SLC25A40: variants seen among roughly 807,000 people sequenced by gnomAD.
SLC25A40 encodes mitochondrial glutathione transporter SLC25A40.
In SLC25A40, 41 loss-of-function variants were observed where a neutral mutation model predicts 46.5. The ratio of observed to expected loss-of-function variants is 0.88; its 90% confidence interval spans 0.69 to 1.14. SLC25A40 has a LOEUF of 1.14. Ranked by LOEUF, SLC25A40 falls within the 50% of genes most tolerant of loss-of-function variation. The probability of loss-of-function intolerance (pLI) is 0.00; values close to 1 mark genes in which losing one functional copy is unlikely to be tolerated. For synonymous variants in SLC25A40, 126 were observed against 127.5 expected, an observed-to-expected ratio of 0.99 and a Z score of 0.08; for missense variants, 386 against 393.6, an observed-to-expected ratio of 0.98 and a Z score of 0.16.
intron 4 of SLC25A40, 95 bp downstream of exon 4, chr7:87,856,197 T>G: frequency 1.8e-6 from 2 of 1,128,936 alleles, no homozygotes; most frequent in South Asian, 1.5e-5. Context: ...GGCATCAATT[T>G]TAATAAATTA....
At chr7:87,850,689 G>C (rs1838494225) in intron 5 of SLC25A40, among the ~76,000 whole-genome samples, 1 of 151,760 alleles carries the variant, frequency 6.6e-6, no homozygotes, top group Non-Finnish European at 1.5e-5. Flanking sequence ...GACTGCTTCA[G>C]CCCAGCAGGG....
chr7:87,843,636 CA>C, intron 9 of SLC25A40, 117 bp downstream of exon 9: 1 of 634,304 alleles, frequency 1.6e-6, no homozygotes, highest in Middle Eastern at 3.4e-4. Flanking sequence ...AATACTTAGA[CA>C]AATTTTCAAG....
intron 5 of SLC25A40, among the ~76,000 whole-genome samples, chr7:87,851,738 C>T (rs1838514451): frequency 6.6e-6 from 1 of 152,140 alleles, no homozygotes; most frequent in Non-Finnish European, 1.5e-5. Flanking sequence ...GGGTGGGGAA[C>T]CTGGACTTCT....
At chr7:87,863,380 TC>T (rs1024900062) in intron 1 of SLC25A40, among the ~76,000 whole-genome samples, 7 of 151,954 alleles carry the variant, frequency 4.6e-5, no homozygotes, top group African/African-American at 1.7e-4. Context: ...TAAGGGGCTT[TC>T]CCCCCTTTTG....
chr7:87,842,667 G>A (rs1838353535), intron 9 of SLC25A40, among the ~76,000 whole-genome samples: 1 of 151,972 alleles, frequency 6.6e-6, no homozygotes. Flanking sequence ...AAATGAGGTG[G>A]TTTAGGCTGT....
rs1403951544 is a variant in SLC25A40 at position 87,854,275 on chromosome 7, G to A, written c.193C>T (p.His65Tyr). Residue 65 changes from histidine to tyrosine, a missense_variant, in exon 5 of 12, where the codon CAT (histidine) becomes TAT (tyrosine). His to Tyr is a moderately conservative substitution (Grantham distance 83). Coordinates refer to ENST00000341119, the MANE Select transcript of SLC25A40 (RefSeq NM_018843.4). ...CFVYSNGLMD[H>Y]LCVCEEGGNK... Reference sequence around the variant, plus strand: ...CCTCCCTCTTCACAGACACATAGATGATCCATGAGTCCATTACTATATACA... The same window carrying A: ...CCTCCCTCTTCACAGACACATAGATAATCCATGAGTCCATTACTATATACA... 6.2e-7 allele frequency: 1 copy of A among 1,612,736 alleles called. No individual in the cohort carries two copies. Among genetic ancestry groups the A allele is most frequent in the East Asian group, 2.2e-5 (1 of 44,796 alleles).
At chr7:87,855,590 C>A (rs187865108) in intron 4 of SLC25A40, among the ~76,000 whole-genome samples, 1 of 152,134 alleles carries the variant, frequency 6.6e-6, no homozygotes, top group East Asian at 1.9e-4. Context: ...GCTTTTATGG[C>A]TTTCTTTAAT....
intron 5 of SLC25A40, among the ~76,000 whole-genome samples, chr7:87,851,953 G>T (rs950507154): frequency 6.6e-6 from 1 of 152,190 alleles, no homozygotes; most frequent in South Asian, 2.1e-4. Context: ...TAAAAAGATA[G>T]GCTTAAGTCC....
In SLC25A40 at chr7:87,833,734, TC is replaced by T. The variant is rs1838222307; in HGVS notation, c.*2514del. 6.6e-6 allele frequency: 1 copy of T among 151,866 alleles called. No homozygotes were observed. The allele number at this position is 151,866 out of a possible 1,614,324, so 9.4% of individuals were successfully genotyped here. A position where few individuals can be genotyped will look rare whatever the true frequency, so the allele number is the denominator to read the frequency against. ...TTTGTTACACAGGTAAACTTTTGTGTCATGGGGATTTATTATACAGATTATT... is the reference window on the plus strand; with the variant it reads ...TTTGTTACACAGGTAAACTTTTGTGTATGGGGATTTATTATACAGATTATT... On this transcript the variant is annotated 3_prime_UTR_variant, in exon 12 of 12. Transcript: ENST00000341119.
chr7:87,849,732 C>T (rs1020034239), intron 6 of SLC25A40, 149 bp downstream of exon 6: 2 of 538,426 alleles, frequency 3.7e-6, no homozygotes, highest in Non-Finnish European at 3.2e-6. Context: ...CATCATCAAA[C>T]ATGTGGGTGG....
In SLC25A40 at chr7:87,836,726, T is replaced by G. The variant is rs1451671894; in HGVS notation, c.904+4A>C. 2 of 1,517,602 alleles carry G rather than the reference T, an allele frequency of 1.3e-6. No homozygotes were observed. The highest frequency in any genetic ancestry group is 4.2e-5 in the Admixed American group (2 of 47,928). The allele number at this position is 1,517,602 out of a possible 1,614,324, so 94.0% of individuals were successfully genotyped here. The stretch of plus-strand genomic sequence containing the variant: ...CAATGATTCGGTAAAGCAAGTATTT[T>G]TACCTGAAAATAATCCGGAAAATCC... On this transcript the variant is annotated splice_donor_region_variant and intron_variant, in intron 11 of 11. Coordinates refer to ENST00000341119, the MANE Select transcript of SLC25A40 (RefSeq NM_018843.4).
At chr7:87,868,150 G>A (rs964179367) in intron 1 of SLC25A40, among the ~76,000 whole-genome samples, 3 of 152,142 alleles carry the variant, frequency 2.0e-5, no homozygotes, top group African/African-American at 4.8e-5. Context: ...CTCCTGAAAG[G>A]GAACCCGAGA....
intron 10 of SLC25A40, 109 bp downstream of exon 10, chr7:87,841,524 A>G: frequency 9.9e-6 from 6 of 604,736 alleles, no homozygotes; most frequent in Non-Finnish European, 1.3e-5. Context: ...TACACAAAGA[A>G]TAATGCAGAA....
At position 87,833,772 on chromosome 7, in the gene SLC25A40, G is replaced by GTATT. The variant is rs1838222864; in HGVS notation, c.*2473_*2476dup. 1 of 151,654 alleles carries GTATT rather than the reference G, an allele frequency of 6.6e-6. No individual in the cohort carries two copies. The highest frequency in any genetic ancestry group is 1.5e-5 in the Non-Finnish European group (1 of 67,844). 9.4% of individuals were successfully genotyped at this position (151,654 alleles called of 1,614,324 possible). On this transcript the variant is annotated 3_prime_UTR_variant, in exon 12 of 12. Transcript: ENST00000341119. Reference sequence around the variant, plus strand: ...TTATACAGATTATTTCATCACCCAGGTATTAAGCCTAGTACCCATTAGTTA... The same window carrying GTATT: ...TTATACAGATTATTTCATCACCCAGGTATTTATTAAGCCTAGTACCCATTAGTTA...
rs577306635 is a variant in SLC25A40 at position 87,859,374 on chromosome 7, G to A, written c.-24-623C>T. Among the ~76,000 whole-genome samples the A allele has an allele frequency of 1.4e-4, 22 of 151,970 alleles. 1 individual carries two copies. Among genetic ancestry groups the A allele is most frequent in the African/African-American group, 4.6e-4 (19 of 41,458 alleles). ...GGAGAATGGCGTGAACCCAGGAGGC[G>A]GAGCTTGCAGTGAGCCGAGATCGCA... On this transcript the variant is annotated intron_variant, in intron 2 of 11. Transcript: ENST00000341119.
chr7:87,848,883 G>A (rs191434670), intron 6 of SLC25A40, among the ~76,000 whole-genome samples: 5 of 152,232 alleles, frequency 3.3e-5, no homozygotes, highest in African/African-American at 1.2e-4. Flanking sequence ...GACTGGTGGG[G>A]TATCGGATCT....
chr7:87,860,669 A>C (rs1482110849), intron 1 of SLC25A40, 29 bp from the exon 2 acceptor site: 1 of 152,212 alleles, frequency 6.6e-6, no homozygotes, highest in Middle Eastern at 3.2e-3. Flanking sequence ...TAATTGTCTT[A>C]TCTTTTCACA....
intron 1 of SLC25A40, among the ~76,000 whole-genome samples, chr7:87,866,684 T>C (rs1034209300): frequency 4.6e-5 from 7 of 152,302 alleles, no homozygotes; most frequent in African/African-American, 1.4e-4. Flanking sequence ...GAGATAACAC[T>C]CCTTGAAGCA....
Position 87,833,652 on chromosome 7 carries a change from AACTTGTGCCCAAG to A in SLC25A40, c.*2584_*2596del, listed in dbSNP as rs1268028196. ...ACAATAAACTTTTCCATATCCCAAAAACTTGTGCCCAAGACAAAAAGAGGGAAGAATTTAAGTT... is the reference window on the plus strand; with the variant it reads ...ACAATAAACTTTTCCATATCCCAAAAACAAAAAGAGGGAAGAATTTAAGTT... On this transcript the variant is annotated 3_prime_UTR_variant, in exon 12 of 12. Coordinates refer to ENST00000341119, the MANE Select transcript of SLC25A40 (RefSeq NM_018843.4). The A allele has an allele frequency of 1.3e-5, 2 of 151,964 alleles. No individual in the cohort carries two copies. The highest frequency in any genetic ancestry group is 2.9e-5 in the Non-Finnish European group (2 of 67,932). 9.4% of individuals were successfully genotyped at this position (151,964 alleles called of 1,614,324 possible).
Sources: allele counts gnomAD v4.1 joint callset (sites outside exome capture counted in the v4.1 genomes callset), GRCh38; gene constraint gnomAD v4.1.1; transcripts MANE v1.5; gene names NCBI Gene and HGNC (gene_info 2026-07-23, HGNC 2026-07-21).